Variants in TUBGCP5 observed in about 807,000 individuals in gnomAD.
TUBGCP5 encodes gamma-tubulin complex component 5.
A neutral mutation model predicts 134.7 loss-of-function variants in TUBGCP5; 98 were observed. The ratio of observed to expected loss-of-function variants is 0.73; its 90% CI spans 0.62 to 0.86. The LOEUF is 0.86. Among genes scored for constraint, TUBGCP5 ranks in the 40% least tolerant of loss-of-function variants. TUBGCP5 has a pLI of 0.00. For missense variants in TUBGCP5, 1,150 were observed against 1,244.8 expected (o/e 0.92, Z 1.15); for synonymous variants, 456 against 431.4 (o/e 1.06, Z -0.71).
intron 11 of TUBGCP5, among the ~76,000 whole-genome samples, chr15:23,020,442 C>T (rs1227773839): frequency 2.0e-5 from 3 of 150,552 alleles, no homozygotes; most frequent in Non-Finnish European, 3.0e-5. Context: ...AAAAATTAGC[C>T]GGGCATGGTG....
chr15:23,036,893 A>G lies in TUBGCP5; in HGVS notation c.309+4T>C, dbSNP rs1280119065. On this transcript the variant is annotated splice_donor_region_variant and intron_variant, in intron 3 of 22. Coordinates refer to ENST00000615383, the MANE Select transcript of TUBGCP5 (RefSeq NM_052903.6). ...CAGTGGAGATCTCATAATTGAAGGC[A>G]TACCTTTATTTCCTTTATACTGGGA... 1 of 1,554,346 alleles carries G rather than the reference A, an allele frequency of 6.4e-7. No homozygotes were observed. Among genetic ancestry groups the G allele is most frequent in the Non-Finnish European group, 8.8e-7 (1 of 1,131,154 alleles).
chr15:23,027,435 T>C, intron 6 of TUBGCP5, 129 bp from the exon 7 acceptor site: 1 of 637,966 alleles, frequency 1.6e-6, no homozygotes, highest in Non-Finnish European at 2.7e-6. Flanking sequence ...TACCTAACAT[T>C]TATGTATATA....
At chr15:23,014,813 G>A (rs1228085793) in intron 13 of TUBGCP5, among the ~76,000 whole-genome samples, 3 of 152,172 alleles carry the variant, frequency 2.0e-5, no homozygotes, top group African/African-American at 7.2e-5. Context: ...CTTGAGAAAT[G>A]ACCCTGAGGG....
intron 18 of TUBGCP5, 33 bp from the exon 19 acceptor site, chr15:23,005,643 AAG>A: frequency 1.3e-6 from 2 of 1,598,114 alleles, no homozygotes. Flanking sequence ...AGTGGACAGA[AAG>A]AGCATCAACT....
intron 16 of TUBGCP5, among the ~76,000 whole-genome samples, chr15:23,007,720 C>A (rs1329042683): frequency 1.3e-5 from 2 of 152,186 alleles, no homozygotes. Flanking sequence ...GTGTGCAAGA[C>A]ATGAGGCTGG....
In TUBGCP5 at chr15:23,032,002, T is replaced by C. The variant is rs1205747020; in HGVS notation, c.434A>G (p.Lys145Arg). ...VEKKDDFDWG[K>R]YLMEDEEMDI... ...CATTTCTTCATCTTCCATCAAGTAT[T>C]TTCCCCAGTCGAAATCATCTTTCTT... Residue 145 changes from lysine (K) to arginine (R), a missense_variant, in exon 5 of 23, where the codon AAA becomes AGA. Transcript: ENST00000615383. 6.2e-7 allele frequency: 1 copy of C among 1,612,592 alleles called. No homozygotes were observed. Among genetic ancestry groups the C allele is most frequent in the Non-Finnish European group, 8.5e-7 (1 of 1,179,054 alleles).
chr15:23,038,462 T>C (rs1204868485), intron 1 of TUBGCP5, among the ~76,000 whole-genome samples: 2 of 151,692 alleles, frequency 1.3e-5, no homozygotes, highest in African/African-American at 4.9e-5. Context: ...ATTTCACACA[T>C]TGTTTATTTT....
chr15:22,996,646 C>T (rs1027434974), downstream of TUBGCP5, among the ~76,000 whole-genome samples: 2 of 152,050 alleles, frequency 1.3e-5, no homozygotes, highest in African/African-American at 4.8e-5. Flanking sequence ...TGTCACCACA[C>T]CCAGCTATTT....
At chr15:22,988,592 CG>C (rs1208902848) in intron 23 of TUBGCP5, among the ~76,000 whole-genome samples, 1 of 151,298 alleles carries the variant, frequency 6.6e-6, no homozygotes, top group Non-Finnish European at 1.5e-5. Context: ...AAAAATTAGC[CG>C]GGCGTGGTGG....
exon 24 of TUBGCP5, chr15:22,983,475 TC>T (rs535071700): frequency 1.3e-5 from 2 of 152,098 alleles, no homozygotes; most frequent in Non-Finnish European, 2.9e-5. Context: ...TACACACAGG[TC>T]GGTAATCCCA....
At position 23,004,116 on chromosome 15, in the gene TUBGCP5, G is replaced by A. The variant is rs1293644799; in HGVS notation, c.2824C>T (p.Leu942=). ...RYLSTIHDRC[L]LREKVSFVKE... ...ATCTCATGTACCTTTTCTCTCAGCA[G>A]ACACCGGTCATGGATGGTTGACAGA... The change falls in exon 20 of 23, where the codon CTG becomes TTG. Residue 942 remains leucine, a synonymous_variant. Coordinates refer to ENST00000615383, the MANE Select transcript of TUBGCP5 (RefSeq NM_052903.6). The A allele has an allele frequency of 2.5e-6, 4 of 1,610,882 alleles. No homozygotes were observed. The highest frequency in any genetic ancestry group is 3.4e-6 in the Non-Finnish European group (4 of 1,179,136).
intron 1 of TUBGCP5, among the ~76,000 whole-genome samples, chr15:23,037,851 G>A (rs985675554): frequency 1.3e-4 from 20 of 152,110 alleles, no homozygotes; most frequent in Admixed American, 4.6e-4. Flanking sequence ...TGCAAGCTCC[G>A]CCTCCTGGGT....
At chr15:23,024,562 G>A (rs1312489830) in intron 9 of TUBGCP5, among the ~76,000 whole-genome samples, 175 bp downstream of exon 9, 3 of 152,034 alleles carry the variant, frequency 2.0e-5, no homozygotes, top group South Asian at 4.1e-4. Flanking sequence ...CTATAAAGAT[G>A]CACAACTCAA....
intron 3 of TUBGCP5, 134 bp downstream of exon 3, chr15:23,036,758 TAAGTA>T: frequency 3.0e-6 from 2 of 666,442 alleles, no homozygotes; most frequent in Non-Finnish European, 5.2e-6. Flanking sequence ...TGGCAATATT[TAAGTA>T]AATTTCCAAG....
rs1299745180 is a variant in TUBGCP5 at position 23,036,993 on chromosome 15, T to C, written c.213A>G (p.Lys71=). ...TGCTTAGATCAGAATGAATGACAAA[T>C]TTTTCATAAATTCTAAAATATAAGA... ...IEKTIEGIYE[K]FVIHSDLSKA... Residue 71 remains lysine, a synonymous_variant, in exon 3 of 23, where the codon AAA becomes AAG. Transcript: ENST00000615383. 2.5e-6 allele frequency: 4 copies of C among 1,598,864 alleles called. No individual in the cohort carries two copies. The African/African-American group carries it at 5.4e-5, about 22-fold the overall frequency.
intron 23 of TUBGCP5, among the ~76,000 whole-genome samples, chr15:22,990,999 G>T (rs1340362995): frequency 1.3e-5 from 2 of 152,154 alleles, no homozygotes; most frequent in Non-Finnish European, 2.9e-5. Flanking sequence ...CTGTCCTCCA[G>T]AACTTCAAGA....
intron 8 of TUBGCP5, among the ~76,000 whole-genome samples, chr15:23,025,469 A>G (rs1175071835): frequency 1.3e-5 from 2 of 152,194 alleles, no homozygotes; most frequent in African/African-American, 4.8e-5. Flanking sequence ...TAACAGCACC[A>G]TGTGCCGCAT....
At position 22,999,488 on chromosome 15, in the gene TUBGCP5, C is replaced by T. The variant is rs2064245809; in HGVS notation, c.*332G>A. The T allele has an allele frequency of 6.5e-6, 2 of 305,468 alleles. No individual in the cohort carries two copies. Among genetic ancestry groups the T allele is most frequent in the African/African-American group, 4.3e-5 (2 of 46,980 alleles). The allele number at this position is 305,468 out of a possible 1,614,324, so 18.9% of individuals were successfully genotyped here. ...CAATCATGGCTCACTGTAGCCTTGA[C>T]CTCCTGGGCTCAAGTAATCCTCCCA... On this transcript the variant is annotated 3_prime_UTR_variant, in exon 23 of 23. Transcript: ENST00000615383.
At chr15:23,039,129 C>G (rs1042473787) in intron 1 of TUBGCP5, among the ~76,000 whole-genome samples, 1 of 152,070 alleles carries the variant, frequency 6.6e-6, no homozygotes, top group Non-Finnish European at 1.5e-5. Flanking sequence ...TGCAGGCGCG[C>G]GCGCCGGCCG....
Sources: allele counts gnomAD v4.1 joint callset (sites outside exome capture counted in the v4.1 genomes callset), GRCh38; gene constraint gnomAD v4.1.1; transcripts MANE v1.5; gene names NCBI Gene and HGNC (gene_info 2026-07-23, HGNC 2026-07-21).